Variants in PDK3 observed in about 807,000 individuals in gnomAD.
PDK3 encodes the protein pyruvate dehydrogenase kinase 3, also known as pyruvate dehydrogenase kinase, isozyme 3.
In PDK3, 12 loss-of-function variants were observed where a neutral mutation model predicts 32.0. The ratio of observed to expected loss-of-function variants is 0.37; its 90% confidence interval spans 0.24 to 0.61. PDK3 has a LOEUF of 0.61. Ranked by LOEUF, PDK3 falls within the 20% of genes least tolerant of loss-of-function variation. The pLI is 0.65. For synonymous variants in PDK3, 122 were observed against 116.3 expected, an observed-to-expected ratio of 1.05 and a Z score of -0.31; for missense variants, 188 against 316.9, an observed-to-expected ratio of 0.59 and a Z score of 3.09.
chrX:24,492,125 G>T lies in PDK3; in HGVS notation c.107-2617G>T, dbSNP rs141778310. On this transcript the variant is annotated intron_variant, in intron 1 of 10. Transcript: ENST00000379162. The stretch of plus-strand genomic sequence containing the variant: ...CTTTTATTTTAACTTAGATAATAGG[G>T]AATTCATTTTATAATGAGATTCACT... Among the ~76,000 whole-genome samples, 386 of 112,086 alleles carry T rather than the reference G, an allele frequency of 3.4e-3. 1 individual carries two copies. The highest frequency in any genetic ancestry group is 0.012 in the African/African-American group (361 of 30,897).
chrX:24,479,227 G>T (rs1921188162), intron 1 of PDK3, among the ~76,000 whole-genome samples: 1 of 112,175 alleles, frequency 8.9e-6, no homozygotes, highest in Admixed American at 9.4e-5. Flanking sequence ...AAGCAAAGTG[G>T]TTATTGCTGT....
At position 24,534,213 on chromosome X, in the gene PDK3, A is replaced by G. The variant is rs1305751722; in HGVS notation, c.*141A>G. 1.0e-6 allele frequency: 1 copy of G among 972,834 alleles called. No individual in the cohort carries two copies. Among genetic ancestry groups the G allele is most frequent in the African/African-American group, 2.0e-5 (1 of 50,982 alleles). 80.2% of individuals were successfully genotyped at this position (972,834 alleles called of 1,213,427 possible). A position where few individuals can be genotyped will look rare whatever the true frequency, so the allele number is the denominator to read the frequency against. ...GGCCTGCCATCAATTTTATTTAAAA[A>G]GCAATTAAGTTTGCAGTTTGTCCTC... On this transcript the variant is annotated 3_prime_UTR_variant, in exon 11 of 11. Coordinates refer to ENST00000379162, the MANE Select transcript of PDK3 (RefSeq NM_005391.5).
intron 2 of PDK3, among the ~76,000 whole-genome samples, chrX:24,496,869 C>T (rs1921727510): frequency 1.0e-5 from 1 of 98,777 alleles, no homozygotes; most frequent in African/African-American, 3.8e-5. Flanking sequence ...GCAAGCTCCG[C>T]CTCCTGGGTT....
intron 1 of PDK3, among the ~76,000 whole-genome samples, chrX:24,486,844 T>G (rs1039593946): frequency 2.7e-5 from 3 of 111,192 alleles, no homozygotes; most frequent in Non-Finnish European, 3.8e-5. Context: ...TTGCCTGGGC[T>G]GGTCTTGAAC....
intron 5 of PDK3, among the ~76,000 whole-genome samples, chrX:24,511,829 C>T (rs1602118659): frequency 1.1e-5 from 1 of 93,677 alleles, no homozygotes; most frequent in Non-Finnish European, 2.1e-5. Flanking sequence ...GCCTGGGCAA[C>T]AAGAGTGAAG....
At chrX:24,495,545 G>A (rs1299081639) in intron 2 of PDK3, among the ~76,000 whole-genome samples, 1 of 112,094 alleles carries the variant, frequency 8.9e-6, no homozygotes, top group Admixed American at 9.4e-5. Flanking sequence ...CTTCACCTAT[G>A]TTTATAGGTT....
At chrX:24,548,591 C>G (rs1269047672) in exon 12 of PDK3, 1 of 112,347 alleles carries the variant, frequency 8.9e-6, no homozygotes, top group Non-Finnish European at 1.9e-5. Context: ...AACTCTGGCA[C>G]ACAGCACTGG....
intron 5 of PDK3, among the ~76,000 whole-genome samples, chrX:24,507,718 T>A (rs891237893): frequency 7.1e-5 from 8 of 112,505 alleles, no homozygotes; most frequent in Non-Finnish European, 1.5e-4. Context: ...TTTCAGGCTT[T>A]TATAAGACAA....
At chrX:24,498,478 T>C (rs966975785) in intron 2 of PDK3, among the ~76,000 whole-genome samples, 7 of 112,321 alleles carry the variant, frequency 6.2e-5, no homozygotes, top group Non-Finnish European at 1.3e-4. Flanking sequence ...CAAAGTCCTC[T>C]AGCGAGTCTT....
At chrX:24,493,470 G>A (rs1291729862) in intron 1 of PDK3, among the ~76,000 whole-genome samples, 3 of 111,628 alleles carry the variant, frequency 2.7e-5, no homozygotes, top group Middle Eastern at 4.6e-3. Context: ...CCTTCATGAC[G>A]TACAGAAGAA....
intron 1 of PDK3, among the ~76,000 whole-genome samples, chrX:24,481,041 T>C (rs1463275881): frequency 2.4e-5 from 2 of 83,729 alleles, no homozygotes; most frequent in African/African-American, 1.1e-4. Flanking sequence ...CATACTCTTT[T>C]TCTTTTTCTT....
intron 5 of PDK3, 146 bp from the exon 6 acceptor site, chrX:24,518,787 C>T: frequency 2.9e-6 from 1 of 349,213 alleles, no homozygotes. Flanking sequence ...CTACATCCAT[C>T]CGTTTAGACA....
chrX:24,489,438 A>G (rs892660483), intron 1 of PDK3, among the ~76,000 whole-genome samples: 3 of 111,391 alleles, frequency 2.7e-5, no homozygotes, highest in African/African-American at 9.8e-5. Flanking sequence ...TCATCCCAGC[A>G]CTTTGGGAGG....
At chrX:24,491,167 A>G (rs188097337) in intron 1 of PDK3, among the ~76,000 whole-genome samples, 1 of 109,319 alleles carries the variant, frequency 9.1e-6, no homozygotes, top group Non-Finnish European at 1.9e-5. Flanking sequence ...TACAAAAATT[A>G]GCCGGGCATG....
At chrX:24,519,936 T>C (rs2148198448) in intron 6 of PDK3, among the ~76,000 whole-genome samples, 1 of 112,337 alleles carries the variant, frequency 8.9e-6, no homozygotes, top group African/African-American at 3.2e-5. Flanking sequence ...TTCACACCTG[T>C]AATCCCAATA....
chrX:24,538,206 G>A (rs1922819651), downstream of PDK3, among the ~76,000 whole-genome samples: 1 of 112,136 alleles, frequency 8.9e-6, no homozygotes. Flanking sequence ...TAAACTGAAG[G>A]TTGTATGCTG....
intron 6 of PDK3, among the ~76,000 whole-genome samples, chrX:24,523,330 T>C (rs1356211700): frequency 2.7e-5 from 3 of 112,293 alleles, no homozygotes; most frequent in Admixed American, 9.4e-5. Context: ...ACATAGGAAT[T>C]TGGGGGAGAC....
chrX:24,539,669 C>T (rs1922848614), exon 12 of PDK3: 1 of 112,661 alleles, frequency 8.9e-6, no homozygotes, highest in African/African-American at 3.2e-5. Context: ...TCCCGTGCCT[C>T]CCTCCGCCAC....
At chrX:24,544,268 T>A (rs1476159586) in exon 12 of PDK3, among the ~76,000 whole-genome samples, 1 of 111,087 alleles carries the variant, frequency 9.0e-6, no homozygotes, top group Admixed American at 9.6e-5. Context: ...GGGAGACAGA[T>A]CCTCTTTGCA....
Sources: allele counts gnomAD v4.1 joint callset (sites outside exome capture counted in the v4.1 genomes callset), GRCh38; gene constraint gnomAD v4.1.1; transcripts MANE v1.5; gene names NCBI Gene and HGNC (gene_info 2026-07-23, HGNC 2026-07-21).